The following ROBO1 variants were observed in gnomAD, a reference collection of about 807,000 sequenced individuals.
ROBO1 encodes roundabout guidance receptor 1.
In ROBO1, 149 loss-of-function variants were observed where a neutral mutation model predicts 195.9. The ratio of observed to expected loss-of-function variants is 0.76; its 90% CI spans 0.67 to 0.87. ROBO1 has a LOEUF of 0.87. Among genes scored for constraint, ROBO1 ranks in the 40% least tolerant of loss-of-function variants. ROBO1 has a pLI of 0.00. For synonymous variants in ROBO1, 816 were observed against 733.2 expected, an observed-to-expected ratio of 1.11 and a Z score of -1.82; for missense variants, 1,933 against 2,068.3, an observed-to-expected ratio of 0.93 and a Z score of 1.27.
In ROBO1 at chr3:78,761,821, A is replaced by G. The variant is rs1416846285; in HGVS notation, c.500-14921T>C. Among the ~76,000 whole-genome samples the G allele has an allele frequency of 2.0e-5, 3 of 152,156 alleles. No homozygotes were observed. The East Asian group carries it at 5.8e-4, about 29-fold the overall frequency. On this transcript the variant is annotated intron_variant, in intron 4 of 30. Coordinates refer to ENST00000464233, the MANE Select transcript of ROBO1 (RefSeq NM_002941.4). ...CATTCATTTTGGCAAAAGAAGTCAC[A>G]CACTCACATTATAATTTAAAATATT...
intron 2 of ROBO1, among the ~76,000 whole-genome samples, chr3:79,553,842 AG>A (rs1299813134): frequency 6.6e-6 from 1 of 152,064 alleles, no homozygotes; most frequent in Non-Finnish European, 1.5e-5. Context: ...TCCTGTTTTG[AG>A]GAGGAGAATG....
intron 3 of ROBO1, among the ~76,000 whole-genome samples, chr3:79,057,432 C>T (rs982823141): frequency 2.6e-5 from 4 of 151,968 alleles, no homozygotes; most frequent in Admixed American, 6.6e-5. Flanking sequence ...AAAAGACATC[C>T]GTGTCAGAGA....
At chr3:79,634,761 CAT>C (rs1164620910) in intron 1 of ROBO1, among the ~76,000 whole-genome samples, 2 of 151,996 alleles carry the variant, frequency 1.3e-5, no homozygotes, top group Admixed American at 1.3e-4. Flanking sequence ...ATTTCCTGTG[CAT>C]TATATTACTT....
chr3:79,735,204 A>G (rs1245319949), intron 1 of ROBO1, among the ~76,000 whole-genome samples: 1 of 152,210 alleles, frequency 6.6e-6, no homozygotes, highest in African/African-American at 2.4e-5. Context: ...TAATGCTTTA[A>G]GGCAACTTAT....
At chr3:79,388,279 C>T (rs963751766) in intron 2 of ROBO1, among the ~76,000 whole-genome samples, 5 of 151,996 alleles carry the variant, frequency 3.3e-5, no homozygotes, top group African/African-American at 9.7e-5. Context: ...TATGCAACTA[C>T]CCAAATAGAA....
intron 2 of ROBO1, among the ~76,000 whole-genome samples, chr3:79,522,873 T>C (rs1398248853): frequency 6.6e-6 from 1 of 152,108 alleles, no homozygotes; most frequent in African/African-American, 2.4e-5. Flanking sequence ...ACTCATTGTC[T>C]GGGAGGTCAT....
chr3:79,420,394 T>G (rs1467328288), intron 2 of ROBO1, among the ~76,000 whole-genome samples: 1 of 152,166 alleles, frequency 6.6e-6, no homozygotes, highest in African/African-American at 2.4e-5. Context: ...GTCTTCCATA[T>G]CAAATTTAGT....
At chr3:79,437,666 T>C (rs1480920420) in intron 2 of ROBO1, among the ~76,000 whole-genome samples, 1 of 151,990 alleles carries the variant, frequency 6.6e-6, no homozygotes, top group Non-Finnish European at 1.5e-5. Flanking sequence ...ACATATGTAC[T>C]GTATGGTTCT....
rs753575677 is a variant in ROBO1 at position 78,717,833 on chromosome 3, G to T, written c.708C>A (p.Gly236=). 17 of 1,613,494 alleles carry T rather than the reference G, an allele frequency of 1.1e-5. No individual in the cohort carries two copies. Among genetic ancestry groups the T allele is most frequent in the Non-Finnish European group, 8.5e-7 (1 of 1,179,736 alleles). The change falls in exon 6 of 31, where the codon GGC becomes GGA. Residue 236 remains glycine, a synonymous_variant. Coordinates refer to ENST00000464233, the MANE Select transcript of ROBO1 (RefSeq NM_002941.4). ...MITYTRKSDA[G]KYVCVGTNMV... ...TATTGGTACCAACACAAACATATTT[G>T]CCAGCGTCACTTTTACGGGTGTAAG... is the stretch of plus-strand genomic sequence containing the variant.
At chr3:79,031,170 A>C (rs1037817579) in intron 3 of ROBO1, among the ~76,000 whole-genome samples, 1 of 152,254 alleles carries the variant, frequency 6.6e-6, no homozygotes, top group Non-Finnish European at 1.5e-5. Context: ...TTATATGGTG[A>C]TAATTTCTAA....
At chr3:78,845,699 T>G (rs1431164200) in intron 4 of ROBO1, among the ~76,000 whole-genome samples, 1 of 151,090 alleles carries the variant, frequency 6.6e-6, no homozygotes, top group African/African-American at 2.5e-5. Context: ...CTAAGCCTAA[T>G]GCCCATCATG....
chr3:79,194,585 T>C (rs2081599084), intron 2 of ROBO1, among the ~76,000 whole-genome samples: 1 of 151,680 alleles, frequency 6.6e-6, no homozygotes, highest in Non-Finnish European at 1.5e-5. Context: ...TGTACTTGTA[T>C]GCTTGACGTT....
chr3:78,991,590 T>C (rs958270893), intron 3 of ROBO1, among the ~76,000 whole-genome samples: 1 of 152,214 alleles, frequency 6.6e-6, no homozygotes, highest in African/African-American at 2.4e-5. Context: ...GCTCACTATT[T>C]GATTTGAGTG....
intron 2 of ROBO1, among the ~76,000 whole-genome samples, chr3:79,303,129 A>G (rs952658945): frequency 2.7e-5 from 4 of 149,308 alleles, no homozygotes; most frequent in Non-Finnish European, 5.9e-5. Flanking sequence ...GACTAACTCT[A>G]GCTAATTAAT....
At chr3:79,263,281 CAACA>C (rs2082973622) in intron 2 of ROBO1, among the ~76,000 whole-genome samples, 1 of 151,950 alleles carries the variant, frequency 6.6e-6, no homozygotes, top group African/African-American at 2.4e-5. Flanking sequence ...CTTTCTGTTA[CAACA>C]AACACAGGTA....
At chr3:79,228,201 G>T (rs2082260608) in intron 2 of ROBO1, among the ~76,000 whole-genome samples, 1 of 152,084 alleles carries the variant, frequency 6.6e-6, no homozygotes, top group Admixed American at 6.6e-5. Flanking sequence ...AGGAGAAAAA[G>T]AAGACAAAAG....
chr3:78,720,181 T>C (rs942598574), intron 5 of ROBO1, among the ~76,000 whole-genome samples: 1 of 152,220 alleles, frequency 6.6e-6, no homozygotes, highest in Non-Finnish European at 1.5e-5. Context: ...GAGAAGCATA[T>C]GTAATTCCTC....
intron 21 of ROBO1, among the ~76,000 whole-genome samples, chr3:78,640,571 C>G (rs991589331): frequency 1.3e-5 from 2 of 152,156 alleles, no homozygotes; most frequent in African/African-American, 4.8e-5. Context: ...GAGATGTCCA[C>G]TAAAAAGAAT....
chr3:79,659,000 G>A (rs1946251196), intron 1 of ROBO1, among the ~76,000 whole-genome samples: 3 of 151,898 alleles, frequency 2.0e-5, no homozygotes, highest in African/African-American at 4.8e-5. Flanking sequence ...CTCCCAAAGT[G>A]CCAGGATTAC....
Sources: gnomAD v4.1 joint callset for allele counts (sites outside exome capture counted in the v4.1 genomes callset) on GRCh38, gnomAD v4.1.1 for gene constraint, MANE v1.5 for transcripts, NCBI Gene and HGNC (gene_info 2026-07-23, HGNC 2026-07-21) for gene names.